The following CDK13 variants were observed in gnomAD, a reference collection of about 807,000 sequenced individuals.
The protein encoded by CDK13 is cyclin dependent kinase 13.
CDK13 carries 40 observed loss-of-function variants against 137.6 expected under a neutral mutation model. That is an observed-to-expected ratio of 0.29 (90% CI 0.23 to 0.38). The LOEUF (loss-of-function observed/expected upper bound fraction) is 0.38, where lower values mean the gene tolerates loss of function less well. Ranked by LOEUF, CDK13 falls within the 10% of genes least tolerant of loss-of-function variation. The pLI is 1.00. For missense variants in CDK13, 1,704 were observed against 1,951.8 expected, an observed-to-expected ratio of 0.87 and a Z score of 2.39; for synonymous variants, 869 against 760.1, an observed-to-expected ratio of 1.14 and a Z score of -2.36.
chr7:39,970,396 C>G (rs1783971270), intron 1 of CDK13, among the ~76,000 whole-genome samples: 1 of 152,052 alleles, frequency 6.6e-6, no homozygotes, highest in Admixed American at 6.6e-5. Flanking sequence ...TCTCAGTCTA[C>G]TTTTATGTAT....
chr7:39,969,085 C>T (rs578217409), intron 1 of CDK13, among the ~76,000 whole-genome samples: 1 of 152,248 alleles, frequency 6.6e-6, no homozygotes, highest in Non-Finnish European at 1.5e-5. Context: ...TCTCAGCTAA[C>T]TGCAACCTCT....
rs1338739180 is a variant in CDK13, at chr7:39,951,689, C to T, written c.1048C>T (p.Pro350Ser). 1 of 1,461,650 alleles carries T rather than the reference C, an allele frequency of 6.8e-7. No individual in the cohort carries two copies. The highest frequency in any genetic ancestry group is 1.5e-5 in the African/African-American group (1 of 67,930). The allele number at this position is 1,461,650 out of a possible 1,614,324, so 90.5% of individuals were successfully genotyped here. A position where few individuals can be genotyped will look rare whatever the true frequency, so the allele number is the denominator to read the frequency against. The change falls in exon 1 of 14, where the codon CCC becomes TCC. Residue 350 changes from proline (P) to serine (S), a missense_variant. Physicochemically the swap from Pro to Ser is moderately conservative, Grantham distance 74. Coordinates refer to ENST00000181839, the MANE Select transcript of CDK13 (RefSeq NM_003718.5). Reference sequence around the variant, plus strand: ...CAGCCCGGCAGGAGGTGGCAGCAGCCCCTATTCTCGGCGGCTGCCGCGCTC... The same window carrying T: ...CAGCCCGGCAGGAGGTGGCAGCAGCTCCTATTCTCGGCGGCTGCCGCGCTC... Reference protein sequence around the residue: ...SPSPAGGGSSPYSRRLPRSPS... With the variant: ...SPSPAGGGSSSYSRRLPRSPS...
intron 7 of CDK13, among the ~76,000 whole-genome samples, chr7:40,055,182 G>T (rs1785986720): frequency 6.6e-6 from 1 of 151,910 alleles, no homozygotes; most frequent in Non-Finnish European, 1.5e-5. Flanking sequence ...GTGTGTGTGT[G>T]TGTGTGTGTG....
At chr7:40,073,606 T>TA (rs1433058882) in intron 9 of CDK13, 6 of 149,968 alleles carry the variant, frequency 4.0e-5, no homozygotes, top group Admixed American at 2.6e-4. Flanking sequence ...TTTTTTTTTT[T>TA]ATTTGAGACA....
intron 4 of CDK13, 47 bp from the exon 5 acceptor site, chr7:40,001,814 T>C (rs1784691398): frequency 8.5e-7 from 1 of 1,172,720 alleles, no homozygotes; most frequent in South Asian, 1.3e-5. Flanking sequence ...AAAAATGTCA[T>C]CTGCTTTTGT....
intron 5 of CDK13, among the ~76,000 whole-genome samples, chr7:40,030,996 A>C (rs1421021568): frequency 6.6e-6 from 1 of 152,178 alleles, no homozygotes; most frequent in African/African-American, 2.4e-5. Flanking sequence ...TGTTAATTTC[A>C]GCTCCTTTGG....
chr7:39,988,305 A>T, intron 2 of CDK13, 47 bp downstream of exon 2: 1 of 1,451,902 alleles, frequency 6.9e-7, no homozygotes, highest in African/African-American at 1.4e-5. Flanking sequence ...GAAAAAATGT[A>T]AGTCTGAAGT....
At chr7:39,981,554 G>A (rs1447611205) in intron 1 of CDK13, among the ~76,000 whole-genome samples, 1 of 152,074 alleles carries the variant, frequency 6.6e-6, no homozygotes, top group Admixed American at 6.6e-5. Context: ...GGCCTAAACT[G>A]AAATTTGTTT....
chr7:40,090,010 A>G (rs544196652), intron 12 of CDK13, among the ~76,000 whole-genome samples: 3 of 152,306 alleles, frequency 2.0e-5, no homozygotes, highest in Admixed American at 6.5e-5. Flanking sequence ...ACCAAAAGCA[A>G]TTGTTATTTG....
At chr7:40,075,023 T>C (rs1786514351) in intron 9 of CDK13, among the ~76,000 whole-genome samples, 1 of 152,162 alleles carries the variant, frequency 6.6e-6, no homozygotes, top group Admixed American at 6.5e-5. Context: ...AGCAGGATTC[T>C]CTTTTGGAGT....
At position 40,088,231 on chromosome 7, in the gene CDK13, G is replaced by A. The variant is rs376019534; in HGVS notation, c.3135G>A (p.Lys1045=). ...TTTCCACAATTAAAGCCCCCAGGAA[G>A]GACTTGTCTCTGGGCTTGGATGACA... ...DDVSTIKAPR[K]DLSLGLDDSR... The change falls in exon 12 of 14, where the codon AAG becomes AAA. Residue 1045 remains lysine, a synonymous_variant. Coordinates refer to ENST00000181839, the MANE Select transcript of CDK13 (RefSeq NM_003718.5). 2 of 1,613,896 alleles carry A rather than the reference G, an allele frequency of 1.2e-6. No individual in the cohort carries two copies. The highest frequency in any genetic ancestry group is 2.7e-5 in the African/African-American group (2 of 74,862).
chr7:40,028,810 G>C (rs1041353120), intron 5 of CDK13, among the ~76,000 whole-genome samples: 1 of 151,650 alleles, frequency 6.6e-6, no homozygotes, highest in Non-Finnish European at 1.5e-5. Flanking sequence ...TATGACCACA[G>C]TAATGCAAAT....
intron 5 of CDK13, among the ~76,000 whole-genome samples, chr7:40,023,950 T>C (rs774293431): frequency 2.0e-5 from 3 of 152,220 alleles, no homozygotes; most frequent in Non-Finnish European, 4.4e-5. Context: ...AAAGCAAAGA[T>C]TCTTGTTCAA....
intron 1 of CDK13, chr7:39,952,630 C>T (rs954001996): frequency 3.3e-5 from 5 of 152,146 alleles, no homozygotes; most frequent in Non-Finnish European, 7.3e-5. Flanking sequence ...AAGTGAATGG[C>T]TGAGTACATT....
At chr7:40,055,601 G>A (rs1304771299) in intron 7 of CDK13, among the ~76,000 whole-genome samples, 2 of 142,888 alleles carry the variant, frequency 1.4e-5, no homozygotes, top group Admixed American at 7.2e-5. Context: ...TTGAGACAGA[G>A]TCTTTCTTGC....
chr7:40,058,975 G>A (rs1201847596), intron 7 of CDK13, among the ~76,000 whole-genome samples: 6 of 152,226 alleles, frequency 3.9e-5, no homozygotes, highest in African/African-American at 4.8e-5. Flanking sequence ...CAAGCAGGAA[G>A]AAAGAAGTAC....
chr7:40,094,978 T>A lies in CDK13; in HGVS notation c.4537T>A (p.Ter1513ArgextTer17), dbSNP rs1787014907. 7.3e-7 allele frequency: 1 copy of A among 1,376,358 alleles called. No individual in the cohort carries two copies. The highest frequency in any genetic ancestry group is 1.5e-5 in the African/African-American group (1 of 67,898). The allele number at this position is 1,376,358 out of a possible 1,614,324, so 85.3% of individuals were successfully genotyped here. Residue 1513 changes from the stop codon to arginine, a stop_lost, in exon 14 of 14, where the codon TGA (stop) becomes AGA (arginine). Transcript: ENST00000181839. ...GRGRGRGLPY[*>R] ...AGGCAGAGGCAGAGGGTTACCATACTGAGTATCTGTTTTTCCTCAGGCACA... is the reference window on the plus strand; with the variant it reads ...AGGCAGAGGCAGAGGGTTACCATACAGAGTATCTGTTTTTCCTCAGGCACA...
At chr7:40,057,750 T>A (rs1219049502) in intron 7 of CDK13, among the ~76,000 whole-genome samples, 1 of 152,210 alleles carries the variant, frequency 6.6e-6, no homozygotes, top group Admixed American at 6.5e-5. Flanking sequence ...GTAAGACAGC[T>A]GATCTTAGAT....
intron 3 of CDK13, chr7:39,997,878 A>AT (rs1312924026): frequency 1.3e-5 from 6 of 461,752 alleles, no homozygotes; most frequent in Non-Finnish European, 1.5e-5. Flanking sequence ...TTCTCTCGTA[A>AT]TTTGTAATGT....
Sources: allele counts gnomAD v4.1 joint callset (sites outside exome capture counted in the v4.1 genomes callset), GRCh38; gene constraint gnomAD v4.1.1; transcripts MANE v1.5; gene names NCBI Gene and HGNC (gene_info 2026-07-23, HGNC 2026-07-21).